RAB38: variants seen among roughly 807,000 people sequenced by gnomAD.
RAB38 encodes ras-related protein Rab-38.
In RAB38, 15 loss-of-function variants were observed where a neutral mutation model predicts 18.4. The observed-to-expected ratio is 0.82, with a 90% CI of 0.55 to 1.26. RAB38 has a LOEUF of 1.26. RAB38 is among the 50% of genes most tolerant of loss of function. RAB38 has a pLI of 0.00. For synonymous variants in RAB38, 101 were observed against 104.4 expected (o/e 0.97, Z 0.20); for missense variants, 294 against 267.4 (o/e 1.10, Z -0.69).
chr11:88,163,745 T>A (rs1461829896), intron 1 of RAB38, among the ~76,000 whole-genome samples: 1 of 152,174 alleles, frequency 6.6e-6, no homozygotes, highest in Admixed American at 6.6e-5. Flanking sequence ...AGTATTCTCA[T>A]TAAATTCTGA....
At chr11:87,857,750 G>T in the RAB38 span, among the ~76,000 whole-genome samples, 12 of 152,260 alleles carry the variant, frequency 7.9e-5, no homozygotes, top group Non-Finnish European at 8.8e-5. Flanking sequence ...GTTCTTTGTA[G>T]ATTCTGGATA....
the RAB38 span, among the ~76,000 whole-genome samples, chr11:87,927,247 T>C: frequency 6.6e-6 from 1 of 152,002 alleles, no homozygotes; most frequent in African/African-American, 2.4e-5. Context: ...TTAAATATAT[T>C]CCTACACCCC....
the RAB38 span, among the ~76,000 whole-genome samples, chr11:88,013,935 C>G: frequency 6.6e-6 from 1 of 151,970 alleles, no homozygotes. Context: ...TAAATAATAC[C>G]AGAATAGCAG....
At chr11:87,911,084 T>G in the RAB38 span, among the ~76,000 whole-genome samples, 1 of 152,094 alleles carries the variant, frequency 6.6e-6, no homozygotes, top group Non-Finnish European at 1.5e-5. Context: ...CAACTGACCA[T>G]ATATGTGTAG....
the RAB38 span, among the ~76,000 whole-genome samples, chr11:87,811,827 A>T: frequency 6.6e-6 from 1 of 152,228 alleles, no homozygotes; most frequent in Non-Finnish European, 1.5e-5. Flanking sequence ...AGAGTTATAA[A>T]AATGTAAGAA....
the RAB38 span, among the ~76,000 whole-genome samples, chr11:88,086,103 G>A: frequency 0.45 from 67,495 of 151,558 alleles, 15,480 homozygotes; most frequent in South Asian, 0.53. Context: ...ATAATATCTT[G>A]TAAGGCTATT....
chr11:87,823,936 C>G, the RAB38 span, among the ~76,000 whole-genome samples: 123 of 152,228 alleles, frequency 8.1e-4, no homozygotes, highest in African/African-American at 2.8e-3. Context: ...GATATGCCAA[C>G]AAGACACATT....
At chr11:87,893,927 A>G in the RAB38 span, among the ~76,000 whole-genome samples, 3 of 151,596 alleles carry the variant, frequency 2.0e-5, no homozygotes, top group African/African-American at 7.3e-5. Flanking sequence ...GAATCTTAGG[A>G]TTTTTTTGCT....
the RAB38 span, among the ~76,000 whole-genome samples, chr11:88,054,685 C>T: frequency 1.3e-5 from 2 of 152,208 alleles, no homozygotes; most frequent in Non-Finnish European, 2.9e-5. Context: ...AAGGAGGCCA[C>T]TAACTTTGTT....
At chr11:88,086,769 A>T in the RAB38 span, among the ~76,000 whole-genome samples, 1 of 152,028 alleles carries the variant, frequency 6.6e-6, no homozygotes, top group Admixed American at 6.6e-5. Flanking sequence ...TATCCCCTCT[A>T]GGAGTGTCTC....
Position 88,175,387 on chromosome 11 carries a change from TG to T in RAB38, c.-4del. 1 of 1,612,904 alleles carries T rather than the reference TG, an allele frequency of 6.2e-7. No individual in the cohort carries two copies. Among genetic ancestry groups the T allele is most frequent in the African/African-American group, 1.3e-5 (1 of 75,012 alleles). ...TGCTCCTTGTGCGGGGCCTGCATCC[TG>T]GCGGCCGGCCAGACGTGCCGTGCCT... On this transcript the variant is annotated 5_prime_UTR_variant, in exon 1 of 3. Transcript: ENST00000243662.
the RAB38 span, among the ~76,000 whole-genome samples, chr11:88,030,555 C>T: frequency 5.9e-5 from 9 of 152,114 alleles, no homozygotes; most frequent in South Asian, 6.2e-4. Flanking sequence ...ATATAACCAC[C>T]GATTCCACAG....
chr11:88,117,763 G>A (rs894081630), intron 2 of RAB38, among the ~76,000 whole-genome samples: 1 of 152,074 alleles, frequency 6.6e-6, no homozygotes, highest in Admixed American at 6.5e-5. Context: ...TTCCTCATCT[G>A]TAAAAGAGAG....
At chr11:87,901,206 G>T in the RAB38 span, among the ~76,000 whole-genome samples, 1 of 151,438 alleles carries the variant, frequency 6.6e-6, no homozygotes, top group African/African-American at 2.4e-5. Context: ...TGATAAATAG[G>T]CATTGAGGGT....
At chr11:87,927,629 A>G in the RAB38 span, among the ~76,000 whole-genome samples, 4 of 152,038 alleles carry the variant, frequency 2.6e-5, no homozygotes, top group Non-Finnish European at 5.9e-5. Context: ...GTATACTAGT[A>G]TAACTAGTAT....
At chr11:88,103,289 T>C in the RAB38 span, among the ~76,000 whole-genome samples, 1 of 152,204 alleles carries the variant, frequency 6.6e-6, no homozygotes, top group African/African-American at 2.4e-5. Context: ...GTGTCAGAGA[T>C]AAGGCTACAT....
the RAB38 span, among the ~76,000 whole-genome samples, chr11:88,028,106 C>G: frequency 6.6e-6 from 1 of 152,174 alleles, no homozygotes; most frequent in Non-Finnish European, 1.5e-5. Context: ...GCTGCTGATA[C>G]CCACGCAAAC....
intron 2 of RAB38, among the ~76,000 whole-genome samples, chr11:88,133,895 C>T (rs544274768): frequency 5.9e-5 from 9 of 152,324 alleles, no homozygotes; most frequent in Admixed American, 5.2e-4. Context: ...CCTATGCTAC[C>T]TCTACTACTT....
chr11:87,966,376 A>T, the RAB38 span, among the ~76,000 whole-genome samples: 1,006 of 152,270 alleles, frequency 6.6e-3, 8 homozygotes, highest in African/African-American at 0.023. Flanking sequence ...TCATTTCAGC[A>T]CTAGGAGATG....
Sources: allele counts gnomAD v4.1 joint callset (sites outside exome capture counted in the v4.1 genomes callset), GRCh38; gene constraint gnomAD v4.1.1; transcripts MANE v1.5; gene names NCBI Gene and HGNC (gene_info 2026-07-23, HGNC 2026-07-21).